The following HOOK2 variants were observed in gnomAD, a reference collection of about 807,000 sequenced individuals.
The protein encoded by HOOK2 is protein Hook homolog 2.
HOOK2 carries 108 observed loss-of-function variants against 111.9 expected under a neutral mutation model. The ratio of observed to expected loss-of-function variants is 0.96; its 90% CI spans 0.83 to 1.13. HOOK2 has a LOEUF of 1.13. Among genes scored for constraint, HOOK2 ranks in the 50% most tolerant of loss-of-function variants. The pLI is 0.00. For synonymous variants in HOOK2, 405 were observed against 394.3 expected (o/e 1.03, Z -0.32); for missense variants, 978 against 951.3 (o/e 1.03, Z -0.37).
intron 3 of HOOK2, chr19:12,773,391 G>A (rs1455232402): frequency 1.1e-5 from 3 of 269,618 alleles, no homozygotes; most frequent in Non-Finnish European, 2.2e-5. Flanking sequence ...TGGGACTACA[G>A]GCATATGCCA....
chr19:12,775,641 C>T (rs1282040836), upstream of HOOK2: 2 of 471,438 alleles, frequency 4.2e-6, no homozygotes, highest in Non-Finnish European at 3.4e-6. Context: ...CTCCTCCCTA[C>T]GCCCGCTCTT....
At chr19:12,763,870 A>G in intron 20 of HOOK2, 92 bp from the exon 21 acceptor site, 1 of 855,428 alleles carries the variant, frequency 1.2e-6, no homozygotes, top group Non-Finnish European at 1.9e-6. Flanking sequence ...TCTTTCATTC[A>G]TTATAGAGAC....
chr19:12,763,148 ATCTGGGAG>A lies in HOOK2; in HGVS notation c.*126_*133del. ...TACCTCCCGCCCTCCCTCCCCACCA[ATCTGGGAG>A]AGGGAAGAGCAGAGATCATGGCCTC... is the stretch of plus-strand genomic sequence containing the variant. On this transcript the variant is annotated 3_prime_UTR_variant, in exon 23 of 23. Coordinates refer to ENST00000397668, the MANE Select transcript of HOOK2 (RefSeq NM_013312.3). The A allele has an allele frequency of 1.2e-6, 1 of 829,916 alleles. No homozygotes were observed. The highest frequency in any genetic ancestry group is 1.9e-6 in the Non-Finnish European group (1 of 532,226). 51.4% of individuals were successfully genotyped at this position (829,916 alleles called of 1,614,324 possible).
chr19:12,782,973 C>A (rs1307717102), upstream of HOOK2, among the ~76,000 whole-genome samples: 1 of 152,026 alleles, frequency 6.6e-6, no homozygotes. Flanking sequence ...TGCTTTTCCT[C>A]CAGCTGCCTA....
chr19:12,773,166 C>A, intron 3 of HOOK2, 122 bp from the exon 4 acceptor site: 1 of 910,676 alleles, frequency 1.1e-6, no homozygotes, highest in Non-Finnish European at 1.8e-6. Flanking sequence ...TGTCTGCGTG[C>A]GCCTTCCTCT....
rs1234903497 is a variant in HOOK2 at position 12,770,124 on chromosome 19, T to A, written c.903-42A>T. 5 of 1,437,144 alleles carry A rather than the reference T, an allele frequency of 3.5e-6. 1 individual carries two copies. In the Middle Eastern group the frequency reaches 5.3e-4, roughly 153 times the overall value. The allele number at this position is 1,437,144 out of a possible 1,614,324, so 89.0% of individuals were successfully genotyped here. A position where few individuals can be genotyped will look rare whatever the true frequency, so the allele number is the denominator to read the frequency against. On this transcript the variant is annotated intron_variant, in intron 10 of 22. Coordinates refer to ENST00000397668, the MANE Select transcript of HOOK2 (RefSeq NM_013312.3). ...GAAGGGGGAGGGCTGAGAGCTCTGA[T>A]CAGGGGTCAGCTGGGATGTGGAGTG... is the stretch of plus-strand genomic sequence containing the variant.
rs2038841392 is a variant in HOOK2, at chr19:12,774,990, C to T, written c.46-93G>A. Reference sequence around the variant, plus strand: ...AGACTTTTCCAGTCAGCGAACCTCACATGGTGGGGCGGGCGCTGCTCCGCC... The same window carrying T: ...AGACTTTTCCAGTCAGCGAACCTCATATGGTGGGGCGGGCGCTGCTCCGCC... On this transcript the variant is annotated intron_variant, in intron 1 of 22. Transcript: ENST00000397668. 2.3e-6 allele frequency: 3 copies of T among 1,286,012 alleles called. No homozygotes were observed. The Admixed American group carries it at 6.0e-5, about 26-fold the overall frequency. The allele number at this position is 1,286,012 out of a possible 1,614,324, so 79.7% of individuals were successfully genotyped here.
chr19:12,778,901 A>G (rs1968568413), upstream of HOOK2, among the ~76,000 whole-genome samples: 1 of 152,118 alleles, frequency 6.6e-6, no homozygotes, highest in Admixed American at 6.5e-5. Flanking sequence ...GTGAGCTTCT[A>G]TGTCGGCGGG....
At chr19:12,780,450 G>A (rs1461221774), upstream of HOOK2, among the ~76,000 whole-genome samples, 3 of 151,318 alleles carry the variant, frequency 2.0e-5, no homozygotes, top group South Asian at 2.1e-4. Flanking sequence ...TCCGCCTCCC[G>A]GGTTCACACC....
In HOOK2 at chr19:12,769,911, C is replaced by T. The variant is rs1243737798; in HGVS notation, c.1074G>A (p.Leu358=). Residue 358 remains leucine (L), a synonymous_variant, in exon 11 of 23, where the codon CTG becomes CTA. Coordinates refer to ENST00000397668, the MANE Select transcript of HOOK2 (RefSeq NM_013312.3). ...LEDELRRAGS[L]RAQLEAQRRQ... ...GCCGCTGCGCCTCCAGCTGGGCGCG[C>T]AGGGAGCCCGCTCGGCGTAGCTCAT... 2.6e-5 allele frequency: 39 copies of T among 1,520,564 alleles called. No individual in the cohort carries two copies. The highest frequency in any genetic ancestry group is 3.2e-5 in the Non-Finnish European group (37 of 1,143,110). The allele number at this position is 1,520,564 out of a possible 1,614,324, so 94.2% of individuals were successfully genotyped here.
chr19:12,775,451 G>A lies in HOOK2; in HGVS notation c.-2C>T. 1 of 1,611,670 alleles carries A rather than the reference G, an allele frequency of 6.2e-7. No homozygotes were observed. The highest frequency in any genetic ancestry group is 1.1e-5 in the South Asian group (1 of 90,854). On this transcript the variant is annotated 5_prime_UTR_variant, in exon 1 of 23. Coordinates refer to ENST00000397668, the MANE Select transcript of HOOK2 (RefSeq NM_013312.3). ...TAGCTCAGCTTTGTCCACGCTCATGGCTCCCGATCGGATTCAATCCAGGCC... is the reference window on the plus strand; with the variant it reads ...TAGCTCAGCTTTGTCCACGCTCATGACTCCCGATCGGATTCAATCCAGGCC...
chr19:12,775,667 A>C, upstream of HOOK2: 1 of 391,388 alleles, frequency 2.6e-6, no homozygotes, highest in Non-Finnish European at 4.1e-6. Flanking sequence ...CAGCCCCGCC[A>C]TCTTGGATCC....
At chr19:12,767,744 C>G in intron 13 of HOOK2, 72 bp downstream of exon 13, 3 of 1,409,814 alleles carry the variant, frequency 2.1e-6, no homozygotes, top group Non-Finnish European at 2.9e-6. Flanking sequence ...TAGACATGCA[C>G]TGGGACACAA....
intron 13 of HOOK2, 122 bp downstream of exon 13, chr19:12,767,694 T>G: frequency 1.0e-6 from 1 of 963,306 alleles, no homozygotes; most frequent in Non-Finnish European, 1.5e-6. Flanking sequence ...TGTCACCTCT[T>G]TCTGGTCACC....
At chr19:12,779,766 G>A (rs950401090), upstream of HOOK2, among the ~76,000 whole-genome samples, 1 of 151,852 alleles carries the variant, frequency 6.6e-6, no homozygotes, top group African/African-American at 2.4e-5. Context: ...GCAACAGGCT[G>A]TGCCTGATTT....
chr19:12,766,376 A>G, intron 14 of HOOK2, 136 bp from the exon 15 acceptor site: 1 of 1,116,004 alleles, frequency 9.0e-7, no homozygotes, highest in Non-Finnish European at 1.2e-6. Flanking sequence ...TGGAGCACCG[A>G]GGACCTACTA....
chr19:12,766,269 C>A, intron 14 of HOOK2, 29 bp from the exon 15 acceptor site: 1 of 1,518,618 alleles, frequency 6.6e-7, no homozygotes, highest in Non-Finnish European at 8.8e-7. Flanking sequence ...AGAGCAGGGC[C>A]AGGGTCGAGT....
chr19:12,785,691 G>A (rs1390199596), intron 3 of HOOK2, among the ~76,000 whole-genome samples: 1 of 152,146 alleles, frequency 6.6e-6, no homozygotes, highest in African/African-American at 2.4e-5. Flanking sequence ...TCAGGCCTGG[G>A]TGTCAGGGTT....
chr19:12,763,861 C>G (rs1045521961), intron 20 of HOOK2, 83 bp from the exon 21 acceptor site: 11 of 916,986 alleles, frequency 1.2e-5, no homozygotes, highest in Non-Finnish European at 1.9e-5. Context: ...TTCATTCATT[C>G]TTTCATTCAT....
Sources: allele counts gnomAD v4.1 joint callset (sites outside exome capture counted in the v4.1 genomes callset), GRCh38; gene constraint gnomAD v4.1.1; transcripts MANE v1.5; gene names NCBI Gene and HGNC (gene_info 2026-07-23, HGNC 2026-07-21).